KCNN3: variants seen among roughly 807,000 people sequenced by gnomAD.
KCNN3 encodes potassium calcium-activated channel subfamily N member 3, also known as small conductance calcium-activated potassium channel protein 3.
In KCNN3, 16 loss-of-function variants were observed where a neutral mutation model predicts 62.9. That is an observed-to-expected ratio of 0.25 (90% CI 0.17 to 0.39). The LOEUF (loss-of-function observed/expected upper bound fraction) is 0.39. Among genes scored for constraint, KCNN3 ranks in the 10% least tolerant of loss-of-function variants. The pLI, the probability that KCNN3 is intolerant of heterozygous loss-of-function variation, is 1.00. For missense variants in KCNN3, 599 were observed against 949.4 expected (o/e 0.63, Z 4.85); for synonymous variants, 370 against 389.2 (o/e 0.95, Z 0.58).
chr1:154,863,730 A>G (rs1652854067), intron 1 of KCNN3, among the ~76,000 whole-genome samples: 1 of 152,246 alleles, frequency 6.6e-6, no homozygotes, highest in Non-Finnish European at 1.5e-5. Context: ...AATAAGAGAA[A>G]TACGAGGCAT....
chr1:154,737,941 G>C (rs1020328984), intron 3 of KCNN3, among the ~76,000 whole-genome samples: 2 of 151,642 alleles, frequency 1.3e-5, no homozygotes, highest in East Asian at 3.9e-4. Context: ...GGAGAGAGAG[G>C]GAAAGAAAAT....
At chr1:154,789,623 C>G (rs1363277167) in intron 2 of KCNN3, among the ~76,000 whole-genome samples, 12 of 152,126 alleles carry the variant, frequency 7.9e-5, no homozygotes, top group Non-Finnish European at 1.2e-4. Context: ...GGGACAGGAA[C>G]CAAGAAGTGA....
At chr1:154,819,463 T>C (rs1557991837) in intron 2 of KCNN3, among the ~76,000 whole-genome samples, 1 of 152,172 alleles carries the variant, frequency 6.6e-6, no homozygotes, top group Non-Finnish European at 1.5e-5. Flanking sequence ...CAAAGATAAC[T>C]GTCCCTGAGG....
chr1:154,790,870 GTTC>G (rs1649484960), intron 2 of KCNN3, among the ~76,000 whole-genome samples: 1 of 152,190 alleles, frequency 6.6e-6, no homozygotes, highest in South Asian at 2.1e-4. Context: ...GGAGACAAGA[GTTC>G]TGGAGATTGT....
chr1:154,749,700 AGG>A (rs1647272419), intron 3 of KCNN3, among the ~76,000 whole-genome samples: 5 of 152,108 alleles, frequency 3.3e-5, no homozygotes, highest in Admixed American at 6.5e-5. Flanking sequence ...AGAGAAAGAG[AGG>A]GACAGGGATG....
intron 7 of KCNN3, among the ~76,000 whole-genome samples, chr1:154,708,993 C>A (rs1164789353): frequency 6.6e-6 from 1 of 152,110 alleles, no homozygotes. Context: ...TCTTTGTTGA[C>A]TGTATCACAG....
intron 2 of KCNN3, among the ~76,000 whole-genome samples, chr1:154,812,136 G>A (rs1002158075): frequency 4.6e-5 from 7 of 152,184 alleles, no homozygotes; most frequent in Admixed American, 2.0e-4. Flanking sequence ...ATTGAGAACC[G>A]CTGCCACGGG....
intron 3 of KCNN3, among the ~76,000 whole-genome samples, chr1:154,770,961 G>A (rs1648526312): frequency 6.6e-6 from 1 of 151,978 alleles, no homozygotes. Context: ...GGAGGCTGAG[G>A]CAGGAGAATT....
At chr1:154,808,724 G>A (rs915477478) in intron 2 of KCNN3, among the ~76,000 whole-genome samples, 3 of 152,058 alleles carry the variant, frequency 2.0e-5, no homozygotes, top group Admixed American at 6.5e-5. Flanking sequence ...CCACTCCCCC[G>A]CCTCCCATTC....
chr1:154,793,442 C>G (rs1398152033), intron 2 of KCNN3, among the ~76,000 whole-genome samples: 3 of 152,068 alleles, frequency 2.0e-5, no homozygotes, highest in African/African-American at 7.2e-5. Flanking sequence ...GGTGGCAGAC[C>G]CCAATGCAGC....
intron 3 of KCNN3, among the ~76,000 whole-genome samples, chr1:154,755,543 G>A (rs1206031383): frequency 5.8e-5 from 6 of 104,146 alleles, no homozygotes; most frequent in South Asian, 8.0e-4. Context: ...GAAAGGAAAG[G>A]AAGGAAGGAA....
chr1:154,736,749 AT>A (rs1350755573), intron 3 of KCNN3, among the ~76,000 whole-genome samples: 1 of 152,170 alleles, frequency 6.6e-6, no homozygotes, highest in African/African-American at 2.4e-5. Context: ...GGACCATCCT[AT>A]TCATATGTGG....
chr1:154,860,744 C>A (rs972603470), intron 1 of KCNN3, among the ~76,000 whole-genome samples: 4 of 152,194 alleles, frequency 2.6e-5, no homozygotes, highest in Non-Finnish European at 5.9e-5. Context: ...GGCGCATATG[C>A]CCCTCCTGTC....
At chr1:154,741,729 AT>A (rs1700825673) in intron 3 of KCNN3, among the ~76,000 whole-genome samples, 3 of 144,136 alleles carry the variant, frequency 2.1e-5, no homozygotes, top group African/African-American at 7.6e-5. Context: ...AAAAAAAAGG[AT>A]TCTTTTCACA....
intron 1 of KCNN3, chr1:154,859,818 G>A (rs1480595007): frequency 1.2e-6 from 2 of 1,612,486 alleles, no homozygotes; most frequent in African/African-American, 2.7e-5. Context: ...TCCCTGCAAG[G>A]AGTGTCCTTT....
At chr1:154,720,956 C>A (rs1700334371) in intron 5 of KCNN3, among the ~76,000 whole-genome samples, 2 of 152,116 alleles carry the variant, frequency 1.3e-5, no homozygotes, top group Admixed American at 6.5e-5. Context: ...CCAGAGGAGT[C>A]AGAAATGGGG....
chr1:154,714,710 A>G (rs548429335), intron 6 of KCNN3, among the ~76,000 whole-genome samples, 166 bp downstream of exon 6: 3 of 148,422 alleles, frequency 2.0e-5, no homozygotes, highest in Middle Eastern at 3.6e-3. Flanking sequence ...AGCCTGCCCA[A>G]TTCCTGGCAT....
At chr1:154,829,049 C>A (rs1651271937) in intron 1 of KCNN3, among the ~76,000 whole-genome samples, 1 of 152,236 alleles carries the variant, frequency 6.6e-6, no homozygotes, top group Admixed American at 6.5e-5. Flanking sequence ...GAGCCTGAAT[C>A]CCATCCAGGA....
intron 1 of KCNN3, among the ~76,000 whole-genome samples, chr1:154,849,130 G>A (rs538129595): frequency 5.3e-5 from 8 of 152,310 alleles, no homozygotes; most frequent in South Asian, 2.1e-4. Flanking sequence ...GGATTCTAGC[G>A]ATGCCTGGGC....
Sources: allele counts gnomAD v4.1 joint callset (sites outside exome capture counted in the v4.1 genomes callset), GRCh38; gene constraint gnomAD v4.1.1; transcripts MANE v1.5; gene names NCBI Gene and HGNC (gene_info 2026-07-23, HGNC 2026-07-21).